Variants in ANGPT2 observed in about 807,000 individuals in gnomAD.
ANGPT2 encodes angiopoietin 2.
A neutral mutation model predicts 62.9 loss-of-function variants in ANGPT2; 28 were observed. The observed-to-expected ratio is 0.44, with a 90% CI of 0.33 to 0.61. ANGPT2 has a LOEUF of 0.61. Among genes scored for constraint, ANGPT2 ranks in the 20% least tolerant of loss-of-function variants. The probability of loss-of-function intolerance (pLI) is 0.03; values close to 1 mark genes in which losing one functional copy is unlikely to be tolerated. For missense variants in ANGPT2, 727 were observed against 594.9 expected (o/e 1.22, Z -2.31); for synonymous variants, 284 against 207.8 (o/e 1.37, Z -3.15).
chr8:6,504,293 G>C (rs1329266570), intron 8 of ANGPT2, among the ~76,000 whole-genome samples: 1 of 147,236 alleles, frequency 6.8e-6, no homozygotes, highest in Non-Finnish European at 1.5e-5. Context: ...ACTCCAGCCT[G>C]GGCGACAGAG....
intron 1 of ANGPT2, among the ~76,000 whole-genome samples, chr8:6,555,465 C>CTTTTTT (rs530250678): frequency 2.1e-5 from 3 of 142,636 alleles, no homozygotes; most frequent in African/African-American, 7.8e-5. Context: ...GTGGTTTGCC[C>CTTTTTT]TTTTTTTTTT....
rs541065870 is a variant in ANGPT2, at chr8:6,515,522, G to A, written c.928-744C>T. 2.3e-3 allele frequency among the ~76,000 whole-genome samples: 351 copies of A among 152,080 alleles called. 1 individual carries two copies. The highest frequency in any genetic ancestry group is 3.7e-3 in the Non-Finnish European group (251 of 68,032). ...TTTCTGCTCTTAAACTGGCTCTGTG[G>A]GTTTAAACTTTGTCCAGAACACAGA... On this transcript the variant is annotated intron_variant, in intron 5 of 8. Transcript: ENST00000629816.
chr8:6,549,601 G>C (rs1823250936), intron 1 of ANGPT2, among the ~76,000 whole-genome samples: 2 of 151,880 alleles, frequency 1.3e-5, no homozygotes, highest in Non-Finnish European at 2.9e-5. Flanking sequence ...TCTGCATCTT[G>C]AGTTGGGCGG....
intron 1 of ANGPT2, among the ~76,000 whole-genome samples, chr8:6,533,569 C>CTT (rs56882906): frequency 0.26 from 29,249 of 112,668 alleles, 4,154 homozygotes; most frequent in East Asian, 0.39. Flanking sequence ...CGTTTAGTTT[C>CTT]TTTTTTTTTT....
chr8:6,558,392 C>T (rs922866738), intron 1 of ANGPT2, among the ~76,000 whole-genome samples: 10 of 152,116 alleles, frequency 6.6e-5, no homozygotes, highest in East Asian at 1.9e-4. Context: ...ACTCCCATGG[C>T]GGTAGAGTTG....
At chr8:6,520,227 A>C (rs1817055229) in intron 4 of ANGPT2, among the ~76,000 whole-genome samples, 1 of 152,224 alleles carries the variant, frequency 6.6e-6, no homozygotes, top group South Asian at 2.1e-4. Context: ...AAAATACTTC[A>C]AATAATCCAA....
intron 1 of ANGPT2, among the ~76,000 whole-genome samples, chr8:6,540,649 A>G (rs2922874): frequency 0.18 from 27,219 of 152,266 alleles, 2,628 homozygotes; most frequent in African/African-American, 0.24. Flanking sequence ...AGCAGCTTAC[A>G]ATGACAAAAT....
intron 1 of ANGPT2, among the ~76,000 whole-genome samples, chr8:6,547,243 C>T (rs1476199645): frequency 6.6e-6 from 1 of 152,056 alleles, no homozygotes; most frequent in East Asian, 1.9e-4. Flanking sequence ...CATGCCACAG[C>T]AATTCGGGAA....
At chr8:6,526,470 G>T (rs1457260807) in intron 3 of ANGPT2, among the ~76,000 whole-genome samples, 3 of 151,614 alleles carry the variant, frequency 2.0e-5, no homozygotes, top group Non-Finnish European at 4.4e-5. Context: ...GAAATTAGCA[G>T]GATTGTTATA....
chr8:6,524,775 G>C lies in ANGPT2; in HGVS notation c.566+2780C>G, dbSNP rs562423511. On this transcript the variant is annotated intron_variant, in intron 3 of 8. Coordinates refer to ENST00000629816, the MANE Select transcript of ANGPT2 (RefSeq NM_001118887.2). ...AAAACTACCCTTGTGGCCATGTAAG[G>C]TCTGTAAATAGAAGTTATCACAGGG... Among the ~76,000 whole-genome samples the C allele has an allele frequency of 9.2e-5, 14 of 152,334 alleles. No homozygotes were observed. In the South Asian group the frequency reaches 1.9e-3, roughly 20 times the overall value.
chr8:6,518,561 T>G lies in ANGPT2; in HGVS notation c.927+1303A>C, dbSNP rs1473001698. 2.6e-5 allele frequency among the ~76,000 whole-genome samples: 4 copies of G among 152,328 alleles called. No homozygotes were observed. In the East Asian group the frequency reaches 7.7e-4, roughly 29 times the overall value. On this transcript the variant is annotated intron_variant, in intron 5 of 8. Transcript: ENST00000629816. ...CTTTTCCGTTCATAATCAAGATACATGTTACTGTTTCAAGTTCCAGGTCTT... is the reference window on the plus strand; with the variant it reads ...CTTTTCCGTTCATAATCAAGATACAGGTTACTGTTTCAAGTTCCAGGTCTT...
At chr8:6,514,611 C>T (rs1017392636) in intron 6 of ANGPT2, 66 bp downstream of exon 6, 40 of 1,418,710 alleles carry the variant, frequency 2.8e-5, no homozygotes, top group Non-Finnish European at 3.4e-5. Context: ...GTTAAGGTTC[C>T]GCAGATCTTG....
chr8:6,536,340 C>A (rs574342989), intron 1 of ANGPT2, among the ~76,000 whole-genome samples: 1 of 152,254 alleles, frequency 6.6e-6, no homozygotes, highest in African/African-American at 2.4e-5. Flanking sequence ...GGGCTGAGCA[C>A]TGGAATGACC....
rs1820846161 is a variant in ANGPT2, at chr8:6,538,147, C to A, written c.289-5660G>T. Among the ~76,000 whole-genome samples, 2 of 151,790 alleles carry A rather than the reference C, an allele frequency of 1.3e-5. 1 individual carries two copies. The highest frequency in any genetic ancestry group is 4.2e-4 in the South Asian group (2 of 4,810). Reference sequence around the variant, plus strand: ...ATGATCCATCCATCTTCCCACCCAGCCCTTCCATTTTTCTAGTAAACCCTT... The same window carrying A: ...ATGATCCATCCATCTTCCCACCCAGACCTTCCATTTTTCTAGTAAACCCTT... On this transcript the variant is annotated intron_variant, in intron 1 of 8. Coordinates refer to ENST00000629816, the MANE Select transcript of ANGPT2 (RefSeq NM_001118887.2).
In ANGPT2 at chr8:6,551,877, A is replaced by G. The variant is rs574877575; in HGVS notation, c.288+10770T>C. On this transcript the variant is annotated intron_variant, in intron 1 of 8. Transcript: ENST00000629816. The stretch of plus-strand genomic sequence containing the variant: ...TACACCAACATTTCCCATTAAGACC[A>G]GTTTGTTTAGGGAATTTTTAAGCTA... 2.0e-5 allele frequency among the ~76,000 whole-genome samples: 3 copies of G among 152,212 alleles called. No homozygotes were observed. In the East Asian group the frequency reaches 5.8e-4, roughly 29 times the overall value.
At chr8:6,550,688 C>T (rs1050811171) in intron 1 of ANGPT2, among the ~76,000 whole-genome samples, 1 of 152,160 alleles carries the variant, frequency 6.6e-6, no homozygotes, top group Non-Finnish European at 1.5e-5. Context: ...TTTTTAAAAT[C>T]TGTTTTATTG....
intron 4 of ANGPT2, 75 bp downstream of exon 4, chr8:6,521,103 G>T (rs753962756): frequency 2.6e-5 from 31 of 1,211,974 alleles, no homozygotes; most frequent in Non-Finnish European, 3.0e-5. Flanking sequence ...TGAAAGGTGA[G>T]AATTTTTTAG....
chr8:6,547,113 C>G (rs942061697), intron 1 of ANGPT2, among the ~76,000 whole-genome samples: 3 of 151,628 alleles, frequency 2.0e-5, no homozygotes, highest in Non-Finnish European at 4.4e-5. Context: ...GCCAGTTTTA[C>G]AAAACTCATG....
intron 2 of ANGPT2, among the ~76,000 whole-genome samples, chr8:6,527,970 A>T (rs183376826): frequency 6.1e-4 from 90 of 146,770 alleles, no homozygotes; most frequent in African/African-American, 2.2e-3. Flanking sequence ...ATCTCGGCTC[A>T]CTGCAACCTC....
Sources: allele counts gnomAD v4.1 joint callset (sites outside exome capture counted in the v4.1 genomes callset), GRCh38; gene constraint gnomAD v4.1.1; transcripts MANE v1.5; gene names NCBI Gene and HGNC (gene_info 2026-07-23, HGNC 2026-07-21).